The following PML variants were observed in gnomAD, a reference collection of about 807,000 sequenced individuals.
PML encodes the protein protein PML.
A neutral mutation model predicts 65.2 loss-of-function variants in PML; 28 were observed. That is an observed-to-expected ratio of 0.43 (90% confidence interval 0.32 to 0.59). PML has a LOEUF of 0.59. PML is among the 20% of genes least tolerant of loss of function. The pLI, the probability that PML is intolerant of heterozygous loss-of-function variation, is 0.08. For synonymous variants in PML, 500 were observed against 508.8 expected (o/e 0.98, Z 0.23); for missense variants, 1,021 against 1,203.4 (o/e 0.85, Z 2.24).
chr15:74,025,549 A>G (rs2071036939), intron 4 of PML: 2 of 157,300 alleles, frequency 1.3e-5, no homozygotes, highest in African/African-American at 2.4e-5. Context: ...GGTTCAAGGT[A>G]TCCATGTCCC....
Position 74,035,629 on chromosome 15 carries a change from A to T in PML, c.1710+1099A>T. The T allele has an allele frequency of 6.2e-7, 1 of 1,613,522 alleles. No homozygotes were observed. The highest frequency in any genetic ancestry group is 1.3e-5 in the African/African-American group (1 of 74,950). ...CTGCAAAGGGGCATCAGCCCACCCC[A>T]CCGGATACGAGGGGCTGTGCGATCC... On this transcript the variant is annotated intron_variant, in intron 7 of 8. Coordinates refer to ENST00000268058, the MANE Select transcript of PML (RefSeq NM_033238.3). The surrounding 1 kb of genome is among the most constrained non-coding windows in gnomAD (Gnocchi z 4.1).
intron 4 of PML, chr15:74,032,247 T>G: frequency 2.6e-6 from 1 of 380,384 alleles, no homozygotes; most frequent in Non-Finnish European, 4.9e-6. Context: ...CAGAAGGAGG[T>G]GATGCCAGTC....
chr15:74,023,237 T>C lies in PML; in HGVS notation c.1012T>C (p.Cys338Arg). Residue 338 changes from cysteine (C) to arginine (R), a missense_variant, in exon 3 of 9, where the codon TGC (cysteine) becomes CGC (arginine). Physicochemically the swap from Cys to Arg is radical, Grantham distance 180 (BLOSUM62 -3). Coordinates refer to ENST00000268058, the MANE Select transcript of PML (RefSeq NM_033238.3). The stretch of plus-strand genomic sequence containing the variant: ...CAGCGCGCTGGTGCAGAGGATGAAG[T>C]GCTACGCCTCGGACCAGGAGGTGCT... The part of the protein sequence containing the change: ...TGSALVQRMK[C>R]YASDQEVLDM... 1 of 1,610,988 alleles carries C rather than the reference T, an allele frequency of 6.2e-7. No individual in the cohort carries two copies. The highest frequency in any genetic ancestry group is 8.5e-7 in the Non-Finnish European group (1 of 1,179,452).
At chr15:74,031,546 T>C (rs1470218358) in intron 4 of PML, among the ~76,000 whole-genome samples, 1 of 152,228 alleles carries the variant, frequency 6.6e-6, no homozygotes, top group Non-Finnish European at 1.5e-5. Context: ...CTATACCACA[T>C]TTTGTTTATT....
chr15:74,044,150 A>G lies in PML; in HGVS notation c.1862-71A>G, dbSNP rs2071743477. ...CTAGATGGTGAGTCAGCAGCCCTAG[A>G]GGACCCCCTGCTCCCACCCCAGAGC... On this transcript the variant is annotated intron_variant, in intron 8 of 8. Coordinates refer to ENST00000268058, the MANE Select transcript of PML (RefSeq NM_033238.3). The G allele has an allele frequency of 1.5e-5, 23 of 1,498,864 alleles. 1 individual carries two copies. The South Asian group carries it at 2.6e-4, about 17-fold the overall frequency. 92.8% of individuals were successfully genotyped at this position (1,498,864 alleles called of 1,614,324 possible). A position where few individuals can be genotyped will look rare whatever the true frequency, so the allele number is the denominator to read the frequency against.
intron 7 of PML, chr15:74,034,836 C>T: frequency 7.0e-7 from 1 of 1,437,062 alleles, no homozygotes; most frequent in South Asian, 1.5e-5. Context: ...CATTTTCTGT[C>T]CTCTAAGTCC....
intron 2 of PML, among the ~76,000 whole-genome samples, chr15:74,015,921 A>C (rs960549593): frequency 1.3e-5 from 2 of 152,236 alleles, no homozygotes; most frequent in Non-Finnish European, 2.9e-5. Context: ...ATAGCAGTTT[A>C]GACATGGACA....
intron 2 of PML, among the ~76,000 whole-genome samples, chr15:74,016,602 G>A (rs2070588282): frequency 6.6e-6 from 1 of 151,974 alleles, no homozygotes; most frequent in African/African-American, 2.4e-5. Context: ...ATCTAAATAG[G>A]TGAAAAGGAG....
rs1218626159 is a variant in PML at position 74,047,263 on chromosome 15, A to T, written c.*2255A>T. 1 of 230,420 alleles carries T rather than the reference A, an allele frequency of 4.3e-6. No homozygotes were observed. Among genetic ancestry groups the T allele is most frequent in the East Asian group, 6.2e-5 (1 of 16,256 alleles). The allele number at this position is 230,420 out of a possible 1,614,324, so 14.3% of individuals were successfully genotyped here. On this transcript the variant is annotated 3_prime_UTR_variant, in exon 9 of 9. Transcript: ENST00000268058. ...ATGAATGTGTTGTCTTGGCCATCAC[A>T]GGTGGAGCTTCAGTTAGTACCCGAG... is the stretch of plus-strand genomic sequence containing the variant.
chr15:74,040,253 T>C (rs747445122), intron 7 of PML, among the ~76,000 whole-genome samples: 3 of 150,830 alleles, frequency 2.0e-5, no homozygotes, highest in Non-Finnish European at 4.4e-5. Flanking sequence ...TCTTCAGTCC[T>C]TCTTCCCCTT....
intron 2 of PML, among the ~76,000 whole-genome samples, chr15:74,008,520 C>T (rs553627195): frequency 5.9e-5 from 9 of 152,014 alleles, no homozygotes; most frequent in Admixed American, 2.0e-4. Context: ...GGGCAGATCA[C>T]GAGGTCAGGA....
Position 73,998,460 on chromosome 15 carries a change from A to C in PML, c.586A>C (p.Thr196Pro). 6.2e-7 allele frequency: 1 copy of C among 1,613,738 alleles called. No individual in the cohort carries two copies. Among genetic ancestry groups the C allele is most frequent in the Non-Finnish European group, 8.5e-7 (1 of 1,179,924 alleles). Residue 196 changes from threonine to proline, a missense_variant, in exon 2 of 9, where the codon ACC becomes CCC. By Grantham distance (38) the Thr-to-Pro change is conservative. Coordinates refer to ENST00000268058, the MANE Select transcript of PML (RefSeq NM_033238.3). Reference protein sequence around the residue: ...NIFCSNPNHRTPTLTSIYCRG... With the variant: ...NIFCSNPNHRPPTLTSIYCRG... ...CTTCTGCTCCAACCCCAACCACCGC[A>C]CCCCTACGCTGACCAGGTGAGTAGG...
chr15:74,032,250 T>C (rs2071353836), intron 4 of PML: 1 of 393,180 alleles, frequency 2.5e-6, no homozygotes, highest in Non-Finnish European at 4.8e-6. Flanking sequence ...AAGGAGGTGA[T>C]GCCAGTCGCG....
chr15:74,034,369 C>A, intron 6 of PML, 109 bp from the exon 7 acceptor site: 1 of 1,429,284 alleles, frequency 7.0e-7, no homozygotes, highest in Non-Finnish European at 9.9e-7. Flanking sequence ...GCAGGGCATC[C>A]GTTTCCCCCA....
intron 1 of PML, among the ~76,000 whole-genome samples, chr15:73,996,537 A>G (rs1267858625): frequency 6.6e-6 from 1 of 152,196 alleles, no homozygotes; most frequent in Non-Finnish European, 1.5e-5. Context: ...ATGTAGATTA[A>G]AAGTTCTTAG....
At position 74,046,122 on chromosome 15, in the gene PML, G is replaced by C. The variant is rs1215792906; in HGVS notation, c.*1114G>C. The C allele has an allele frequency of 4.3e-6, 1 of 232,936 alleles. No individual in the cohort carries two copies. The highest frequency in any genetic ancestry group is 2.2e-5 in the African/African-American group (1 of 45,312). 14.4% of individuals were successfully genotyped at this position (232,936 alleles called of 1,614,324 possible). A position where few individuals can be genotyped will look rare whatever the true frequency, so the allele number is the denominator to read the frequency against. On this transcript the variant is annotated 3_prime_UTR_variant, in exon 9 of 9. Transcript: ENST00000268058. Reference sequence around the variant, plus strand: ...GTAAAATGGGCTGATTGGCCTCCACGGTCAGAGCGGCCATCTGGCTGTGCC... The same window carrying C: ...GTAAAATGGGCTGATTGGCCTCCACCGTCAGAGCGGCCATCTGGCTGTGCC...
At chr15:74,008,757 GA>G (rs1212566480) in intron 2 of PML, among the ~76,000 whole-genome samples, 10 of 150,966 alleles carry the variant, frequency 6.6e-5, no homozygotes, top group Admixed American at 2.0e-4. Flanking sequence ...AAAAAAAAAG[GA>G]AAACCCATTG....
At chr15:74,007,454 C>G (rs1359405163) in intron 2 of PML, among the ~76,000 whole-genome samples, 1 of 152,220 alleles carries the variant, frequency 6.6e-6, no homozygotes, top group Non-Finnish European at 1.5e-5. Flanking sequence ...TGCTCCCACT[C>G]CCATTTCACA....
chr15:74,005,741 C>T (rs1464056012), intron 2 of PML, among the ~76,000 whole-genome samples: 7 of 152,294 alleles, frequency 4.6e-5, no homozygotes, highest in Non-Finnish European at 7.3e-5. Flanking sequence ...CTACACGATC[C>T]CCTTTTCAAT....
Sources: allele counts gnomAD v4.1 joint callset (sites outside exome capture counted in the v4.1 genomes callset), GRCh38; gene constraint gnomAD v4.1.1; non-coding constraint Gnocchi (gnomAD v3.1); transcripts MANE v1.5; gene names NCBI Gene and HGNC (gene_info 2026-07-23, HGNC 2026-07-21).